C1GALT1: variants seen among roughly 807,000 people sequenced by gnomAD.
C1GALT1 encodes the protein glycoprotein-N-acetylgalactosamine 3-beta-galactosyltransferase 1.
In C1GALT1, 11 loss-of-function variants were observed where a neutral mutation model predicts 31.0. That is an observed-to-expected ratio of 0.36 (90% CI 0.22 to 0.59). The LOEUF (loss-of-function observed/expected upper bound fraction) is 0.59, where lower values mean the gene tolerates loss of function less well. Ranked by LOEUF, C1GALT1 falls within the 20% of genes least tolerant of loss-of-function variation. C1GALT1 has a pLI of 0.79. For synonymous variants in C1GALT1, 175 were observed against 143.6 expected, an observed-to-expected ratio of 1.22 and a Z score of -1.56; for missense variants, 424 against 425.2, an observed-to-expected ratio of 1.00 and a Z score of 0.03.
chr7:7,206,630 C>G (rs6977398), intron 1 of C1GALT1, among the ~76,000 whole-genome samples: 1 of 149,986 alleles, frequency 6.7e-6, no homozygotes. Context: ...TAGCCACGAT[C>G]GCGCCATTGC....
rs770377590 is a variant in C1GALT1 at position 7,234,340 on chromosome 7, G to T, written c.21G>T (p.Leu7=). The T allele has an allele frequency of 1.9e-6, 3 of 1,613,526 alleles. No homozygotes were observed. Among genetic ancestry groups the T allele is most frequent in the Middle Eastern group, 1.6e-4 (1 of 6,080 alleles). MASKSW[L]NFLTFLCGSA... ...GGGAAATGGCCTCTAAATCCTGGCT[G>T]AATTTTTTAACCTTCCTCTGTGGAT... is the stretch of plus-strand genomic sequence containing the variant. The change falls in exon 2 of 4, where the codon CTG becomes CTT. Residue 7 remains leucine (L), a synonymous_variant. Coordinates refer to ENST00000436587, the MANE Select transcript of C1GALT1 (RefSeq NM_020156.5).
chr7:7,221,058 G>C (rs1782491000), intron 1 of C1GALT1, among the ~76,000 whole-genome samples: 1 of 152,126 alleles, frequency 6.6e-6, no homozygotes, highest in African/African-American at 2.4e-5. Context: ...TTATGGGTCT[G>C]TTTTTATTTA....
chr7:7,179,034 A>G, upstream of C1GALT1, among the ~76,000 whole-genome samples: 1 of 152,198 alleles, frequency 6.6e-6, no homozygotes, highest in Admixed American at 6.5e-5. Context: ...ATCTGCTTCC[A>G]AGCTCACTCA....
intron 1 of C1GALT1, among the ~76,000 whole-genome samples, chr7:7,211,951 A>C (rs1458072997): frequency 6.6e-6 from 1 of 152,210 alleles, no homozygotes; most frequent in African/African-American, 2.4e-5. Flanking sequence ...TTTGGAGCAA[A>C]ATTTTCTCTC....
chr7:7,219,705 C>G (rs1418283962), intron 1 of C1GALT1, among the ~76,000 whole-genome samples: 1 of 152,036 alleles, frequency 6.6e-6, no homozygotes, highest in Non-Finnish European at 1.5e-5. Flanking sequence ...TGTTAGTTGG[C>G]CCTTATCCAA....
In C1GALT1 at chr7:7,220,992, C is replaced by G. The variant is rs532383344; in HGVS notation, c.-17-13311C>G. ...TGTATGTGACCTTTTGTTCCTCTCTCTGAAAGTTTGCAGGATGGCTTTGAC... is the reference window on the plus strand; with the variant it reads ...TGTATGTGACCTTTTGTTCCTCTCTGTGAAAGTTTGCAGGATGGCTTTGAC... On this transcript the variant is annotated intron_variant, in intron 1 of 3. Transcript: ENST00000436587. Among the ~76,000 whole-genome samples, 6 of 120,972 alleles carry G rather than the reference C, an allele frequency of 5.0e-5. No homozygotes were observed. In the East Asian group the frequency reaches 1.7e-3, roughly 35 times the overall value. 79.4% of individuals were successfully genotyped at this position (120,972 alleles called of 152,430 possible).
intron 2 of C1GALT1, among the ~76,000 whole-genome samples, chr7:7,163,807 A>T (rs938263768): frequency 6.6e-6 from 1 of 152,090 alleles, no homozygotes; most frequent in African/African-American, 2.4e-5. Context: ...CTGCTCAAGG[A>T]AATAAAAGAG....
chr7:7,242,710 G>T (rs780904283), intron 3 of C1GALT1, among the ~76,000 whole-genome samples: 1 of 151,898 alleles, frequency 6.6e-6, no homozygotes, highest in Non-Finnish European at 1.5e-5. Context: ...TCGTTGTATT[G>T]TTGTTGTTTT....
intron 1 of C1GALT1, among the ~76,000 whole-genome samples, chr7:7,229,072 T>A (rs1782939952): frequency 6.6e-6 from 1 of 152,128 alleles, no homozygotes; most frequent in Admixed American, 6.5e-5. Context: ...AATAGGAATT[T>A]TCTCTGGTCC....
At chr7:7,180,813 C>A (rs1383042046), upstream of C1GALT1, among the ~76,000 whole-genome samples, 2 of 151,756 alleles carry the variant, frequency 1.3e-5, no homozygotes, top group Non-Finnish European at 2.9e-5. Flanking sequence ...TTGCTTCAGC[C>A]TTCAGCCCAG....
chr7:7,162,980 AATTT>A (rs2128226565), intron 2 of C1GALT1, among the ~76,000 whole-genome samples: 1 of 152,046 alleles, frequency 6.6e-6, no homozygotes, highest in East Asian at 1.9e-4. Flanking sequence ...TTTTCTTGTA[AATTT>A]GTTTGAGTTC....
At position 7,163,764 on chromosome 7, in the gene C1GALT1, G is replaced by A. The variant is rs1341320159; in HGVS notation, c.-18+6338G>A. 1.1e-4 allele frequency among the ~76,000 whole-genome samples: 17 copies of A among 152,252 alleles called. No homozygotes were observed. The East Asian group carries it at 2.1e-3, about 19-fold the overall frequency. On this transcript the variant is annotated intron_variant, in intron 2 of 3. Transcript: ENST00000429911. Reference sequence around the variant, plus strand: ...CCTAGGAATCCAACTTACAAGGGACGTGAAGGACCTCCTCAAGGAGAACTA... The same window carrying A: ...CCTAGGAATCCAACTTACAAGGGACATGAAGGACCTCCTCAAGGAGAACTA...
intron 2 of C1GALT1, among the ~76,000 whole-genome samples, chr7:7,173,864 G>A (rs780362594): frequency 6.6e-6 from 1 of 152,138 alleles, no homozygotes; most frequent in African/African-American, 2.4e-5. Flanking sequence ...CCGAGATCAT[G>A]CCACTGCACT....
intron 1 of C1GALT1, among the ~76,000 whole-genome samples, chr7:7,231,574 C>T (rs1783076225): frequency 6.6e-6 from 1 of 151,916 alleles, no homozygotes; most frequent in African/African-American, 2.4e-5. Flanking sequence ...TTTTTTTCTT[C>T]AGCTGTGACT....
intron 1 of C1GALT1, among the ~76,000 whole-genome samples, chr7:7,215,723 G>A (rs974105309): frequency 6.6e-6 from 1 of 151,580 alleles, no homozygotes; most frequent in African/African-American, 2.4e-5. Flanking sequence ...GAGACATATT[G>A]CTTATCTCCA....
At chr7:7,214,506 G>A (rs145917409) in intron 1 of C1GALT1, among the ~76,000 whole-genome samples, 1 of 152,212 alleles carries the variant, frequency 6.6e-6, no homozygotes, top group East Asian at 1.9e-4. Context: ...ACTCTTTAAG[G>A]AAATCCTTTT....
chr7:7,191,659 A>G lies in C1GALT1; in HGVS notation c.-18+8839A>G, dbSNP rs150071122. Among the ~76,000 whole-genome samples, 336 of 152,214 alleles carry G rather than the reference A, an allele frequency of 2.2e-3. 1 individual carries two copies. Among genetic ancestry groups the G allele is most frequent in the Middle Eastern group, 6.8e-3 (2 of 294 alleles). On this transcript the variant is annotated intron_variant, in intron 1 of 3. Coordinates refer to ENST00000436587, the MANE Select transcript of C1GALT1 (RefSeq NM_020156.5). Reference sequence around the variant, plus strand: ...ACACTTAACAATTTTCTGAATTTTGATGGTAACCATTGTTATGGGTATAAG... The same window carrying G: ...ACACTTAACAATTTTCTGAATTTTGGTGGTAACCATTGTTATGGGTATAAG...
At chr7:7,188,336 A>G (rs939068648) in intron 1 of C1GALT1, among the ~76,000 whole-genome samples, 1 of 152,124 alleles carries the variant, frequency 6.6e-6, no homozygotes, top group African/African-American at 2.4e-5. Flanking sequence ...GTCACTTTGG[A>G]GGTGTTGAAT....
At chr7:7,166,943 C>T (rs1780400356) in intron 2 of C1GALT1, among the ~76,000 whole-genome samples, 2 of 152,182 alleles carry the variant, frequency 1.3e-5, no homozygotes, top group Non-Finnish European at 2.9e-5. Flanking sequence ...AATTCAAACA[C>T]ATCAATCTTA....
Sources: gnomAD v4.1 joint callset for allele counts (sites outside exome capture counted in the v4.1 genomes callset) on GRCh38, gnomAD v4.1.1 for gene constraint, MANE v1.5 for transcripts, NCBI Gene and HGNC (gene_info 2026-07-23, HGNC 2026-07-21) for gene names.